The following LMO4 variants were observed in gnomAD, a reference collection of about 807,000 sequenced individuals.
The protein encoded by LMO4 is LIM domain only 4, also known as LIM domain transcription factor LMO4.
LMO4 carries 3 observed loss-of-function variants against 18.5 expected under a neutral mutation model. That is an observed-to-expected ratio of 0.16 (90% CI 0.07 to 0.42). LMO4 has a LOEUF of 0.42. LMO4 is among the 10% of genes least tolerant of loss of function. The probability of loss-of-function intolerance (pLI) is 0.99; values close to 1 mark genes in which losing one functional copy is unlikely to be tolerated. For synonymous variants in LMO4, 100 were observed against 88.1 expected, an observed-to-expected ratio of 1.14 and a Z score of -0.76; for missense variants, 121 against 219.9, an observed-to-expected ratio of 0.55 and a Z score of 2.84.
At chr1:87,337,474 T>C (rs561576706) in intron 2 of LMO4, among the ~76,000 whole-genome samples, 2 of 152,306 alleles carry the variant, frequency 1.3e-5, no homozygotes, top group Admixed American at 1.3e-4. Flanking sequence ...TACCTGTTGG[T>C]AGTGGCAACC....
rs1231123050 is a variant in LMO4, at chr1:87,340,031, T to G, written c.334-16T>G. The G allele has an allele frequency of 1.2e-6, 2 of 1,606,220 alleles. No individual in the cohort carries two copies. Among genetic ancestry groups the G allele is most frequent in the African/African-American group, 1.3e-5 (1 of 74,318 alleles). Reference sequence around the variant, plus strand: ...ATTTTTACCTTGTTTTCAGTGGGTTTGTTTTTCCCTTTCAGTGTTTTACAT... The same window carrying G: ...ATTTTTACCTTGTTTTCAGTGGGTTGGTTTTTCCCTTTCAGTGTTTTACAT... On this transcript the variant is annotated splice_polypyrimidine_tract_variant and intron_variant, in intron 3 of 4. Coordinates refer to ENST00000370544, the MANE Select transcript of LMO4 (RefSeq NM_006769.4).
Position 87,332,262 on chromosome 1 carries a change from G to T in LMO4, c.236+11G>T, listed in dbSNP as rs1272165050. On this transcript the variant is annotated intron_variant, in intron 2 of 4. Coordinates refer to ENST00000370544, the MANE Select transcript of LMO4 (RefSeq NM_006769.4). ...AAATGACTACATTAGGTAAGACTTT[G>T]CTGTCTTTCCTGGAGATGGGGGGAA... 1 of 1,597,398 alleles carries T rather than the reference G, an allele frequency of 6.3e-7. No individual in the cohort carries two copies. The highest frequency in any genetic ancestry group is 1.1e-5 in the South Asian group (1 of 90,688).
chr1:87,347,938 A>G lies in LMO4; in HGVS notation c.*3142A>G, dbSNP rs1650680143. 1 of 152,192 alleles carries G rather than the reference A, an allele frequency of 6.6e-6. No individual in the cohort carries two copies. The highest frequency in any genetic ancestry group is 1.5e-5 in the Non-Finnish European group (1 of 68,040). 9.4% of individuals were successfully genotyped at this position (152,192 alleles called of 1,614,324 possible). On this transcript the variant is annotated 3_prime_UTR_variant, in exon 5 of 5. Coordinates refer to ENST00000370544, the MANE Select transcript of LMO4 (RefSeq NM_006769.4). ...TGTCTTATAAAATACAAAACGAGAA[A>G]ACTGACACACCAAAATGAAGTCTGT...
intron 4 of LMO4, among the ~76,000 whole-genome samples, chr1:87,343,953 T>A (rs1650563424): frequency 1.3e-5 from 2 of 152,182 alleles, no homozygotes; most frequent in Admixed American, 1.3e-4. Flanking sequence ...TGCAAACAGA[T>A]TGTATTTGAC....
intron 1 of LMO4, among the ~76,000 whole-genome samples, chr1:87,330,768 C>G (rs1292642735): frequency 1.3e-5 from 2 of 152,164 alleles, no homozygotes; most frequent in Non-Finnish European, 2.9e-5. Context: ...TTACAGAGGA[C>G]AAAGACAATA....
intron 2 of LMO4, among the ~76,000 whole-genome samples, chr1:87,333,332 G>C (rs1354490381): frequency 6.7e-6 from 1 of 148,244 alleles, no homozygotes; most frequent in African/African-American, 2.6e-5. Context: ...GCACACAGTT[G>C]ATACTAGAAA....
chr1:87,341,736 G>A (rs72728007), intron 4 of LMO4, among the ~76,000 whole-genome samples: 5,499 of 152,152 alleles, frequency 0.036, 118 homozygotes, highest in Non-Finnish European at 0.053. Context: ...CTAATATGGG[G>A]AGCTACATAG....
chr1:87,344,232 G>T (rs12239282), intron 4 of LMO4, among the ~76,000 whole-genome samples: 7,047 of 152,250 alleles, frequency 0.046, 333 homozygotes, highest in East Asian at 0.18. Context: ...ATAACTGCCA[G>T]TATTTGTTGA....
intron 2 of LMO4, among the ~76,000 whole-genome samples, chr1:87,335,880 A>AAC (rs1650296094): frequency 6.6e-6 from 1 of 152,080 alleles, no homozygotes; most frequent in Admixed American, 6.6e-5. Context: ...AGAAAAAAAA[A>AAC]AAAAACAGGA....
At position 87,340,031 on chromosome 1, in the gene LMO4, TG is replaced by T; in HGVS notation, c.334-15del. ...ATTTTTACCTTGTTTTCAGTGGGTT[TG>T]TTTTTCCCTTTCAGTGTTTTACATG... On this transcript the variant is annotated splice_polypyrimidine_tract_variant and intron_variant, in intron 3 of 4. Transcript: ENST00000370544. 6.2e-7 allele frequency: 1 copy of T among 1,606,338 alleles called. No individual in the cohort carries two copies. Among genetic ancestry groups the T allele is most frequent in the Non-Finnish European group, 8.5e-7 (1 of 1,176,892 alleles).
rs140982003 is a variant in LMO4 at position 87,337,973 on chromosome 1, T to C, written c.237-1563T>C. ...CAAGAACGTGTCAATGTGTCGTGGATCTCAGACTAATTAGTTTTGAAATGG... is the reference window on the plus strand; with the variant it reads ...CAAGAACGTGTCAATGTGTCGTGGACCTCAGACTAATTAGTTTTGAAATGG... On this transcript the variant is annotated intron_variant, in intron 2 of 4. Transcript: ENST00000370544. 3.1e-4 allele frequency among the ~76,000 whole-genome samples: 47 copies of C among 152,342 alleles called. No individual in the cohort carries two copies. The East Asian group carries it at 6.4e-3, about 21-fold the overall frequency.
chr1:87,341,136 A>G (rs1650462791), intron 4 of LMO4, among the ~76,000 whole-genome samples: 1 of 152,208 alleles, frequency 6.6e-6, no homozygotes, highest in Non-Finnish European at 1.5e-5. Context: ...AAAGAGTGAA[A>G]TGTATGACTC....
intron 2 of LMO4, among the ~76,000 whole-genome samples, chr1:87,336,376 C>T (rs1650314420): frequency 6.6e-6 from 1 of 152,134 alleles, no homozygotes; most frequent in Non-Finnish European, 1.5e-5. Context: ...AAAACACAGC[C>T]AGGTAGCGTT....
At chr1:87,338,359 A>G (rs1208441041) in intron 2 of LMO4, among the ~76,000 whole-genome samples, 2 of 152,360 alleles carry the variant, frequency 1.3e-5, no homozygotes, top group East Asian at 3.9e-4. Flanking sequence ...ATTTATTATG[A>G]CACCAATATG....
intron 2 of LMO4, among the ~76,000 whole-genome samples, chr1:87,335,439 C>T (rs895185835): frequency 6.6e-6 from 1 of 151,770 alleles, no homozygotes; most frequent in Non-Finnish European, 1.5e-5. Context: ...GCCCAGCCGG[C>T]GGGCGGTCTC....
Position 87,348,681 on chromosome 1 carries a change from A to G in LMO4, c.*3885A>G, listed in dbSNP as rs1267428317. ...AGTCAGGGCTGATTTTTGGAAGGTG[A>G]ACTTGCAACTTACCTCAAGTGAATA... On this transcript the variant is annotated 3_prime_UTR_variant, in exon 5 of 5. Coordinates refer to ENST00000370544, the MANE Select transcript of LMO4 (RefSeq NM_006769.4). 3 of 496,872 alleles carry G rather than the reference A, an allele frequency of 6.0e-6. No individual in the cohort carries two copies. The highest frequency in any genetic ancestry group is 1.2e-5 in the Non-Finnish European group (3 of 248,254). 30.8% of individuals were successfully genotyped at this position (496,872 alleles called of 1,614,324 possible).
intron 2 of LMO4, among the ~76,000 whole-genome samples, chr1:87,334,137 A>G (rs1397280090): frequency 6.6e-6 from 1 of 152,098 alleles, no homozygotes; most frequent in Non-Finnish European, 1.5e-5. Context: ...TAATGGAGCA[A>G]TGGAGGATGT....
chr1:87,338,529 T>C (rs1387422970), intron 2 of LMO4, among the ~76,000 whole-genome samples: 1 of 152,236 alleles, frequency 6.6e-6, no homozygotes, highest in East Asian at 1.9e-4. Context: ...AAATAAAGCT[T>C]CCCAGGTTGA....
chr1:87,335,088 C>T (rs1650265823), intron 2 of LMO4, among the ~76,000 whole-genome samples: 1 of 151,970 alleles, frequency 6.6e-6, no homozygotes, highest in East Asian at 1.9e-4. Context: ...AAGGGACCAA[C>T]GCCTGCCTGG....
Sources: gnomAD v4.1 joint callset for allele counts (sites outside exome capture counted in the v4.1 genomes callset) on GRCh38, gnomAD v4.1.1 for gene constraint, MANE v1.5 for transcripts, NCBI Gene and HGNC (gene_info 2026-07-23, HGNC 2026-07-21) for gene names.